ENPP1: variants seen among roughly 807,000 people sequenced by gnomAD.
The protein encoded by ENPP1 is ectonucleotide pyrophosphatase/phosphodiesterase family member 1.
Under a neutral mutation model 122.8 loss-of-function variants are expected in ENPP1, and 73 were observed. The ratio of observed to expected loss-of-function variants is 0.59; its 90% CI spans 0.49 to 0.72. The LOEUF is 0.72. ENPP1 is among the 30% of genes least tolerant of loss of function. The probability of loss-of-function intolerance (pLI) is 0.00; values close to 1 mark genes in which losing one functional copy is unlikely to be tolerated. For missense variants in ENPP1, 978 were observed against 1,128.1 expected (o/e 0.87, Z 1.91); for synonymous variants, 367 against 391.6 (o/e 0.94, Z 0.74).
intron 24 of ENPP1, among the ~76,000 whole-genome samples, chr6:131,886,926 C>CTTTTTTTTTTTT (rs60409660): frequency 9.0e-6 from 1 of 110,632 alleles, no homozygotes; most frequent in Non-Finnish European, 1.9e-5. Flanking sequence ...TTACTTTTTT[C>CTTTTTTTTTTTT]TTTTTTTTTT....
At chr6:131,875,199 C>T (rs1782214034) in intron 16 of ENPP1, among the ~76,000 whole-genome samples, 1 of 151,950 alleles carries the variant, frequency 6.6e-6, no homozygotes, top group South Asian at 2.1e-4. Context: ...TACTCATACC[C>T]CTAAATTCAT....
chr6:131,835,453 A>G (rs1781662686), intron 1 of ENPP1, among the ~76,000 whole-genome samples: 1 of 152,210 alleles, frequency 6.6e-6, no homozygotes, highest in South Asian at 2.1e-4. Context: ...TGGATTACTA[A>G]TTTTAGTTTG....
At chr6:131,826,638 G>C in intron 1 of ENPP1, 1 of 860,374 alleles carries the variant, frequency 1.2e-6, no homozygotes. Flanking sequence ...TTTTCTTATT[G>C]ACCATCATTT....
At chr6:131,864,614 A>G in intron 10 of ENPP1, 43 bp downstream of exon 10, 1 of 1,316,998 alleles carries the variant, frequency 7.6e-7, no homozygotes, top group Non-Finnish European at 1.1e-6. Context: ...TTCGTTTTGT[A>G]GAAATGATAT....
At chr6:131,840,752 C>T (rs1196851919) in intron 1 of ENPP1, among the ~76,000 whole-genome samples, 2 of 152,156 alleles carry the variant, frequency 1.3e-5, no homozygotes, top group East Asian at 1.9e-4. Context: ...GTGTCTCTCC[C>T]GCACTAGGTC....
chr6:131,862,277 C>T (rs1239342666), intron 9 of ENPP1, among the ~76,000 whole-genome samples: 1 of 152,040 alleles, frequency 6.6e-6, no homozygotes, highest in East Asian at 1.9e-4. Flanking sequence ...GATCTTCGGG[C>T]AGACATGAAA....
At chr6:131,827,590 T>C (rs1287084446) in intron 1 of ENPP1, 5 of 593,498 alleles carry the variant, frequency 8.4e-6, no homozygotes, top group African/African-American at 5.6e-5. Flanking sequence ...TTAAAAAATA[T>C]GGAACATAAG....
At chr6:131,851,922 G>A (rs750674265) in intron 4 of ENPP1, among the ~76,000 whole-genome samples, 112 of 152,098 alleles carry the variant, frequency 7.4e-4, no homozygotes, top group Non-Finnish European at 1.1e-3. Context: ...ATACCTTCAA[G>A]TTCTCACAAA....
intron 7 of ENPP1, among the ~76,000 whole-genome samples, chr6:131,859,541 A>C (rs1045247585): frequency 6.6e-6 from 1 of 151,528 alleles, no homozygotes; most frequent in African/African-American, 2.4e-5. Flanking sequence ...GCACACCACC[A>C]CGCCCGGCTA....
rs121918024 is a variant in ENPP1, at chr6:131,877,005, G to C, written c.1737G>C (p.Leu579Phe). ...VYNLMCDLLN[L>F]TPAPNNGTHG... ...GAAATTATGCAGATTTACTGAATTT[G>C]ACACCGGCTCCTAATAACGGAACTC... The change falls in exon 18 of 25, where the codon TTG becomes TTC. Residue 579 changes from leucine to phenylalanine, a missense_variant. Coordinates refer to ENST00000647893, the MANE Select transcript of ENPP1 (RefSeq NM_006208.3). The C allele has an allele frequency of 6.8e-6, 11 of 1,613,894 alleles. No individual in the cohort carries two copies. Among genetic ancestry groups the C allele is most frequent in the Non-Finnish European group, 9.3e-6 (11 of 1,179,964 alleles).
chr6:131,816,438 T>C (rs1323103576), intron 1 of ENPP1, among the ~76,000 whole-genome samples: 2 of 152,198 alleles, frequency 1.3e-5, no homozygotes, highest in African/African-American at 4.8e-5. Context: ...TAGATTACTC[T>C]TCTAAGCATA....
chr6:131,834,474 A>G (rs1173500094), intron 1 of ENPP1, among the ~76,000 whole-genome samples: 1 of 151,804 alleles, frequency 6.6e-6, no homozygotes, highest in Admixed American at 6.6e-5. Flanking sequence ...TTCTCATTCT[A>G]ATAGCCTGTG....
chr6:131,860,537 T>G (rs759452187), intron 8 of ENPP1, 31 bp downstream of exon 8: 3 of 1,506,340 alleles, frequency 2.0e-6, no homozygotes, highest in Admixed American at 1.7e-5. Context: ...CTAAAATAGT[T>G]AATTATTCTC....
At chr6:131,842,467 A>G (rs1781753396) in intron 1 of ENPP1, among the ~76,000 whole-genome samples, 1 of 152,128 alleles carries the variant, frequency 6.6e-6, no homozygotes, top group African/African-American at 2.4e-5. Context: ...CTCTGACATT[A>G]GGACTTCACT....
At chr6:131,888,876 G>C (rs1289662898) in intron 24 of ENPP1, among the ~76,000 whole-genome samples, 3 of 152,156 alleles carry the variant, frequency 2.0e-5, no homozygotes, top group Non-Finnish European at 4.4e-5. Context: ...CCTTTGCAGT[G>C]GCTTAAGCAA....
chr6:131,848,016 A>G (rs1489012978), intron 2 of ENPP1, among the ~76,000 whole-genome samples, 168 bp downstream of exon 2: 1 of 152,128 alleles, frequency 6.6e-6, no homozygotes, highest in Non-Finnish European at 1.5e-5. Flanking sequence ...AAGTTCTTGT[A>G]TTATATTAGT....
intron 1 of ENPP1, among the ~76,000 whole-genome samples, chr6:131,816,024 T>C (rs1424038286): frequency 1.3e-5 from 2 of 151,870 alleles, no homozygotes; most frequent in Non-Finnish European, 2.9e-5. Context: ...CCCGGCTGTA[T>C]CAGCTTTTCA....
intron 1 of ENPP1, chr6:131,827,663 C>A: frequency 1.6e-6 from 1 of 634,372 alleles, no homozygotes; most frequent in South Asian, 1.6e-5. Context: ...TAAATGATGT[C>A]CTTCTGCTCT....
chr6:131,809,506 G>A (rs1021030588), intron 1 of ENPP1, among the ~76,000 whole-genome samples: 2 of 152,146 alleles, frequency 1.3e-5, no homozygotes, highest in African/African-American at 4.8e-5. Context: ...ATAAAATTTT[G>A]CATCTTGTAA....
Sources: allele counts gnomAD v4.1 joint callset (sites outside exome capture counted in the v4.1 genomes callset), GRCh38; gene constraint gnomAD v4.1.1; transcripts MANE v1.5; gene names NCBI Gene and HGNC (gene_info 2026-07-23, HGNC 2026-07-21).